Variants in LUZP2 observed in about 807,000 individuals in gnomAD.
LUZP2 encodes leucine zipper protein 2.
Under a neutral mutation model 51.6 loss-of-function variants are expected in LUZP2, and 52 were observed. The ratio of observed to expected loss-of-function variants is 1.01; its 90% confidence interval spans 0.81 to 1.27. The LOEUF is 1.27. Among genes scored for constraint, LUZP2 ranks in the 50% most tolerant of loss-of-function variants. LUZP2 has a pLI of 0.00. For missense variants in LUZP2, 436 were observed against 395.4 expected, an observed-to-expected ratio of 1.10 and a Z score of -0.87; for synonymous variants, 154 against 137.3, an observed-to-expected ratio of 1.12 and a Z score of -0.85.
At position 24,574,255 on chromosome 11, in the gene LUZP2, TCTTTCTTG is replaced by T. The variant is rs1372499522; in HGVS notation, c.62+76958_62+76965del. ...TTCTTTCTTTCTTTCTTTCTTTCTT[TCTTTCTTG>T]CTTTCTTTCTTTCTTTCTTTCTTTC... is the stretch of plus-strand genomic sequence containing the variant. On this transcript the variant is annotated intron_variant, in intron 1 of 11. Transcript: ENST00000336930. Among the ~76,000 whole-genome samples the T allele has an allele frequency of 9.0e-4, 24 of 26,610 alleles. 1 individual carries two copies. The highest frequency in any genetic ancestry group is 2.0e-3 in the African/African-American group (23 of 11,680). The allele number at this position is 26,610 out of a possible 152,430, so 17.5% of individuals were successfully genotyped here.
chr11:24,631,293 C>G (rs950214991), intron 1 of LUZP2, among the ~76,000 whole-genome samples: 1 of 151,514 alleles, frequency 6.6e-6, no homozygotes, highest in Non-Finnish European at 1.5e-5. Flanking sequence ...TTCAGCTTTT[C>G]TCCACTTACT....
intron 1 of LUZP2, among the ~76,000 whole-genome samples, chr11:24,506,676 G>T (rs546156863): frequency 6.6e-6 from 1 of 152,148 alleles, no homozygotes; most frequent in Admixed American, 6.6e-5. Context: ...CGTGTGTGTA[G>T]AAGTGCTAGC....
intron 9 of LUZP2, among the ~76,000 whole-genome samples, chr11:24,986,639 C>T (rs1190148260): frequency 6.6e-6 from 1 of 150,860 alleles, no homozygotes; most frequent in Admixed American, 6.7e-5. Context: ...TTTTCTACTG[C>T]TATGTGGTAG....
chr11:25,075,674 A>G (rs1281026740), intron 10 of LUZP2, among the ~76,000 whole-genome samples: 2 of 152,146 alleles, frequency 1.3e-5, no homozygotes, highest in Non-Finnish European at 2.9e-5. Flanking sequence ...AAGATAAATT[A>G]TGGCAGAAAT....
chr11:24,998,597 G>A (rs778173228), intron 9 of LUZP2, among the ~76,000 whole-genome samples: 3 of 152,158 alleles, frequency 2.0e-5, no homozygotes, highest in Non-Finnish European at 4.4e-5. Flanking sequence ...AAAACTTAAT[G>A]AAATAAAAAT....
At chr11:24,507,818 C>A (rs1850186896) in intron 1 of LUZP2, among the ~76,000 whole-genome samples, 1 of 151,954 alleles carries the variant, frequency 6.6e-6, no homozygotes, top group South Asian at 2.1e-4. Flanking sequence ...CCCTACTCCC[C>A]TTAAATGGTG....
At chr11:24,508,080 A>G (rs1419154075) in intron 1 of LUZP2, among the ~76,000 whole-genome samples, 4 of 152,050 alleles carry the variant, frequency 2.6e-5, no homozygotes, top group Admixed American at 1.3e-4. Context: ...GTGATTACTG[A>G]TGTTGCCCTA....
intron 1 of LUZP2, among the ~76,000 whole-genome samples, chr11:24,636,631 A>G (rs1165238498): frequency 6.6e-6 from 1 of 152,184 alleles, no homozygotes; most frequent in Non-Finnish European, 1.5e-5. Context: ...CATATTTTCT[A>G]CATTGGCACA....
chr11:24,504,477 A>G (rs1850092422), intron 1 of LUZP2, among the ~76,000 whole-genome samples: 1 of 152,132 alleles, frequency 6.6e-6, no homozygotes. Flanking sequence ...TATGTTCTTT[A>G]ACCATTCTGA....
At chr11:24,692,635 C>T (rs1433626625) in intron 1 of LUZP2, among the ~76,000 whole-genome samples, 1 of 151,968 alleles carries the variant, frequency 6.6e-6, no homozygotes, top group Non-Finnish European at 1.5e-5. Flanking sequence ...GTTTCTTCAT[C>T]ATAAAAGTAC....
intron 1 of LUZP2, among the ~76,000 whole-genome samples, chr11:24,517,129 T>G (rs764086829): frequency 1.3e-5 from 2 of 152,118 alleles, no homozygotes; most frequent in African/African-American, 4.8e-5. Flanking sequence ...AAATCTTAAT[T>G]GAAACATGAA....
chr11:24,987,000 A>C (rs1346356750), intron 9 of LUZP2, among the ~76,000 whole-genome samples: 1 of 151,826 alleles, frequency 6.6e-6, no homozygotes, highest in Non-Finnish European at 1.5e-5. Flanking sequence ...ACCTTGATCA[A>C]ATTACTTAAC....
At chr11:24,880,301 C>T (rs576297042) in intron 5 of LUZP2, among the ~76,000 whole-genome samples, 2 of 152,288 alleles carry the variant, frequency 1.3e-5, no homozygotes, top group South Asian at 4.1e-4. Context: ...TCTCTCCACG[C>T]CATGAGGCTG....
intron 10 of LUZP2, among the ~76,000 whole-genome samples, chr11:25,054,803 G>T (rs548661536): frequency 7.2e-5 from 11 of 151,940 alleles, no homozygotes; most frequent in Non-Finnish European, 1.3e-4. Context: ...AGGTATCCTT[G>T]GTTACTGTAG....
intron 1 of LUZP2, among the ~76,000 whole-genome samples, chr11:24,531,237 G>A (rs1333672096): frequency 1.3e-5 from 2 of 150,284 alleles, no homozygotes; most frequent in Non-Finnish European, 1.5e-5. Flanking sequence ...AATTGAAGTC[G>A]AATTTTATAG....
chr11:24,776,599 T>C lies in LUZP2; in HGVS notation c.396+13291T>C, dbSNP rs576247386. Among the ~76,000 whole-genome samples the C allele has an allele frequency of 5.3e-5, 8 of 152,330 alleles. No homozygotes were observed. In the East Asian group the frequency reaches 1.5e-3, roughly 29 times the overall value. On this transcript the variant is annotated intron_variant, in intron 5 of 11. Transcript: ENST00000336930. The stretch of plus-strand genomic sequence containing the variant: ...TAGAATGCAGTAATAATGTAATCAT[T>C]GCTGTTCCCAAGTCATATGTGATGT...
chr11:25,041,850 A>G (rs932056112), intron 9 of LUZP2, among the ~76,000 whole-genome samples: 2 of 152,180 alleles, frequency 1.3e-5, no homozygotes, highest in African/African-American at 2.4e-5. Flanking sequence ...TTACCACCTG[A>G]GCTCTGCCTC....
chr11:24,878,967 T>TTTA (rs1852366245), intron 5 of LUZP2, among the ~76,000 whole-genome samples: 1 of 149,718 alleles, frequency 6.7e-6, no homozygotes, highest in Non-Finnish European at 1.5e-5. Flanking sequence ...TTATTTATAT[T>TTTA]TTTATTTATT....
chr11:24,847,459 G>T (rs1489657216), intron 5 of LUZP2, among the ~76,000 whole-genome samples: 1 of 152,062 alleles, frequency 6.6e-6, no homozygotes, highest in Non-Finnish European at 1.5e-5. Flanking sequence ...GTTTTATCAT[G>T]TCCGTTCTCA....
Sources: allele counts gnomAD v4.1 joint callset (sites outside exome capture counted in the v4.1 genomes callset), GRCh38; gene constraint gnomAD v4.1.1; transcripts MANE v1.5; gene names NCBI Gene and HGNC (gene_info 2026-07-23, HGNC 2026-07-21).